KCNQ1: variants seen among roughly 807,000 people sequenced by gnomAD.
KCNQ1 encodes the protein potassium voltage-gated channel subfamily KQT member 1.
In KCNQ1, 49 loss-of-function variants were observed where a neutral mutation model predicts 72.4. That is an observed-to-expected ratio of 0.68 (90% confidence interval 0.54 to 0.86). The LOEUF is 0.86. KCNQ1 is among the 40% of genes least tolerant of loss of function. KCNQ1 has a pLI of 0.00. For missense variants in KCNQ1, 790 were observed against 945.1 expected (o/e 0.84, Z 2.15); for synonymous variants, 450 against 412.6 (o/e 1.09, Z -1.10).
In KCNQ1 at chr11:2,565,955, C is replaced by A. The variant is rs1417646524; in HGVS notation, c.478-4673C>A. Among the ~76,000 whole-genome samples the A allele has an allele frequency of 6.6e-6, 1 of 152,048 alleles. No individual in the cohort carries two copies. The highest frequency in any genetic ancestry group is 1.5e-5 in the Non-Finnish European group (1 of 67,998). Reference sequence around the variant, plus strand: ...GCCTTGGGGCCATCTGACACCCACACCCTCCCTCCAGGCCAGACCCAGCTC... The same window carrying A: ...GCCTTGGGGCCATCTGACACCCACAACCTCCCTCCAGGCCAGACCCAGCTC... On this transcript the variant is annotated intron_variant, in intron 2 of 15. Transcript: ENST00000155840. This position sits in a 1 kb window ranked among gnomAD's most constrained non-coding sequence, Gnocchi z 5.6.
chr11:2,515,547 C>T lies in KCNQ1; in HGVS notation c.387-12381C>T, dbSNP rs1177758746. Among the ~76,000 whole-genome samples the T allele has an allele frequency of 6.6e-6, 1 of 152,162 alleles. No individual in the cohort carries two copies. The highest frequency in any genetic ancestry group is 1.5e-5 in the Non-Finnish European group (1 of 68,028). On this transcript the variant is annotated intron_variant, in intron 1 of 15. Coordinates refer to ENST00000155840, the MANE Select transcript of KCNQ1 (RefSeq NM_000218.3). This position sits in a 1 kb window ranked among gnomAD's most constrained non-coding sequence, Gnocchi z 4.7. ...GGTGAGGGGACAAGGCTGCTGGGAC[C>T]AGGCCTCGCCCAGGCAGAGCCTCGC... is the stretch of plus-strand genomic sequence containing the variant.
intron 15 of KCNQ1, chr11:2,840,032 C>T (rs1355754786): frequency 2.0e-5 from 3 of 152,242 alleles, no homozygotes; most frequent in South Asian, 2.1e-4. Context: ...CACCGACCCC[C>T]GAACTGCCCA....
In KCNQ1 at chr11:2,652,693, G is replaced by A. The variant is rs180782813; in HGVS notation, c.1394-9268G>A. ...CGATTTTAGTTGTGTGGGTGGCTGT[G>A]TTGCTCTCTTTCCGTTTCCTGGGCT... On this transcript the variant is annotated intron_variant, in intron 10 of 15. Coordinates refer to ENST00000155840, the MANE Select transcript of KCNQ1 (RefSeq NM_000218.3). This position sits in a 1 kb window ranked among gnomAD's most constrained non-coding sequence, Gnocchi z 5.9. The A allele has an allele frequency of 1.3e-5, 5 of 398,746 alleles. No homozygotes were observed. Among genetic ancestry groups the A allele is most frequent in the Non-Finnish European group, 2.2e-5 (5 of 226,302 alleles). The allele number at this position is 398,746 out of a possible 1,614,324, so 24.7% of individuals were successfully genotyped here. A position where few individuals can be genotyped will look rare whatever the true frequency, so the allele number is the denominator to read the frequency against.
chr11:2,523,198 A>AT (rs60789291), intron 1 of KCNQ1, among the ~76,000 whole-genome samples: 396 of 136,956 alleles, frequency 2.9e-3, no homozygotes, highest in South Asian at 4.6e-3. Context: ...ATTTAATTTA[A>AT]TTTTTTTTTT....
rs369091392 is a variant in KCNQ1, at chr11:2,703,752, A to T, written c.1514+41671A>T. ...GGGAGCCCCTCACCCAAGCAGCAGG[A>T]TGTGTGGCAGGCCCTGGCCAAGGAG... On this transcript the variant is annotated intron_variant, in intron 11 of 15. Transcript: ENST00000155840. The surrounding 1 kb of genome is among the most constrained non-coding windows in gnomAD (Gnocchi z 6.4). Among the ~76,000 whole-genome samples, 2 of 152,148 alleles carry T rather than the reference A, an allele frequency of 1.3e-5. No individual in the cohort carries two copies. The highest frequency in any genetic ancestry group is 3.9e-4 in the East Asian group (2 of 5,194).
intron 2 of KCNQ1, among the ~76,000 whole-genome samples, chr11:2,529,955 G>A (rs778826518): frequency 6.6e-6 from 1 of 152,288 alleles, no homozygotes; most frequent in Non-Finnish European, 1.5e-5. Flanking sequence ...GCTTCTGTGA[G>A]GTGCTCCTGT....
rs756267843 is a variant in KCNQ1 at position 2,703,134 on chromosome 11, G to T, written c.1514+41053G>T. ...TGGGGGCTGCCAGGCAGGCTGGGAG[G>T]TGAGCCCAGGGCTGGCCTTGGGCAC... is the stretch of plus-strand genomic sequence containing the variant. On this transcript the variant is annotated intron_variant, in intron 11 of 15. Coordinates refer to ENST00000155840, the MANE Select transcript of KCNQ1 (RefSeq NM_000218.3). The surrounding 1 kb of genome is among the most constrained non-coding windows in gnomAD (Gnocchi z 6.4). Among the ~76,000 whole-genome samples the T allele has an allele frequency of 6.6e-6, 1 of 152,242 alleles. No homozygotes were observed. Among genetic ancestry groups the T allele is most frequent in the Non-Finnish European group, 1.5e-5 (1 of 68,036 alleles).
In KCNQ1 at chr11:2,827,598, A is replaced by G. The variant is rs1232936374; in HGVS notation, c.1795-20169A>G. Among the ~76,000 whole-genome samples, 1 of 126,212 alleles carries G rather than the reference A, an allele frequency of 7.9e-6. No homozygotes were observed. The highest frequency in any genetic ancestry group is 2.6e-4 in the East Asian group (1 of 3,814). 82.8% of individuals were successfully genotyped at this position (126,212 alleles called of 152,430 possible). A position where few individuals can be genotyped will look rare whatever the true frequency, so the allele number is the denominator to read the frequency against. ...CTCTATTCCAGGCAGGCAAACACTC[A>G]GCTTAATTCAGGGTTCTGTTGATTA... is the stretch of plus-strand genomic sequence containing the variant. On this transcript the variant is annotated intron_variant, in intron 15 of 15. Coordinates refer to ENST00000155840, the MANE Select transcript of KCNQ1 (RefSeq NM_000218.3). This position sits in a 1 kb window ranked among gnomAD's most constrained non-coding sequence, Gnocchi z 6.7.
chr11:2,573,999 C>T (rs187026960), intron 6 of KCNQ1, among the ~76,000 whole-genome samples: 108 of 152,330 alleles, frequency 7.1e-4, no homozygotes, highest in Non-Finnish European at 1.2e-3. Flanking sequence ...GCCAGTGTCC[C>T]TCTGGGAGCT....
rs1846241119 is a variant in KCNQ1 at position 2,752,428 on chromosome 11, C to A, written c.1515-16416C>A. ...TCTCTCGGGGGGTCCGATGGGATAC[C>A]TAGTGTCTTAATCTGTTCAGTCTGC... On this transcript the variant is annotated intron_variant, in intron 11 of 15. Transcript: ENST00000155840. This position sits in a 1 kb window ranked among gnomAD's most constrained non-coding sequence, Gnocchi z 5.2. Among the ~76,000 whole-genome samples, 1 of 151,866 alleles carries A rather than the reference C, an allele frequency of 6.6e-6. No individual in the cohort carries two copies. Among genetic ancestry groups the A allele is most frequent in the South Asian group, 2.1e-4 (1 of 4,772 alleles).
In KCNQ1 at chr11:2,494,457, C is replaced by T. The variant is rs969691206; in HGVS notation, c.387-33471C>T. Among the ~76,000 whole-genome samples the T allele has an allele frequency of 3.1e-4, 47 of 152,046 alleles. No homozygotes were observed. Among genetic ancestry groups the T allele is most frequent in the African/African-American group, 1.0e-3 (43 of 41,372 alleles). On this transcript the variant is annotated intron_variant, in intron 1 of 15. Transcript: ENST00000155840. This position sits in a 1 kb window ranked among gnomAD's most constrained non-coding sequence, Gnocchi z 4.6. ...AAAGTGAATGCTTCCAGCTTTTGCC[C>T]GTTCAGTATGATATTGCCTGTGGGT...
rs545984724 is a variant in KCNQ1, at chr11:2,833,771, C to G, written c.1795-13996C>G. Among the ~76,000 whole-genome samples the G allele has an allele frequency of 2.0e-5, 3 of 152,212 alleles. No homozygotes were observed. In the South Asian group the frequency reaches 6.2e-4, roughly 31 times the overall value. Reference sequence around the variant, plus strand: ...TGGGGCAAGTGCCCCGAGACGGGACCGAGACAACAGTGGGGAAGGTGGGAC... The same window carrying G: ...TGGGGCAAGTGCCCCGAGACGGGACGGAGACAACAGTGGGGAAGGTGGGAC... On this transcript the variant is annotated intron_variant, in intron 15 of 15. Coordinates refer to ENST00000155840, the MANE Select transcript of KCNQ1 (RefSeq NM_000218.3).
intron 6 of KCNQ1, 90 bp from the exon 7 acceptor site, chr11:2,583,345 G>A (rs1233058929): frequency 1.2e-5 from 11 of 894,208 alleles, no homozygotes; most frequent in East Asian, 7.2e-5. Flanking sequence ...CGGCCTCTCC[G>A]CTCATCAGAG....
At chr11:2,757,711 G>A (rs1037267227) in intron 11 of KCNQ1, among the ~76,000 whole-genome samples, 9 of 152,240 alleles carry the variant, frequency 5.9e-5, no homozygotes, top group Non-Finnish European at 1.5e-5. Context: ...GGAGGAATAA[G>A]CATGTAGCTC....
Position 2,733,773 on chromosome 11 carries a change from TCCACACAC to T in KCNQ1, c.1515-35070_1515-35063del, listed in dbSNP as rs779884289. Among the ~76,000 whole-genome samples the T allele has an allele frequency of 5.0e-3, 295 of 59,014 alleles. 1 individual carries two copies. Among genetic ancestry groups the T allele is most frequent in the Admixed American group, 6.4e-3 (30 of 4,684 alleles). The allele number at this position is 59,014 out of a possible 152,430, so 38.7% of individuals were successfully genotyped here. A position where few individuals can be genotyped will look rare whatever the true frequency, so the allele number is the denominator to read the frequency against. On this transcript the variant is annotated intron_variant, in intron 11 of 15. Transcript: ENST00000155840. The stretch of plus-strand genomic sequence containing the variant: ...CGGGCAGGAGGGGGACTTCAGGCCT[TCCACACAC>T]ACACACACACACACACACACACACA...
chr11:2,505,698 C>T (rs962521764), intron 1 of KCNQ1, among the ~76,000 whole-genome samples: 9 of 152,152 alleles, frequency 5.9e-5, no homozygotes, highest in Admixed American at 5.9e-4. Flanking sequence ...TTCTTGCAGC[C>T]TCGAACCTTT....
In KCNQ1 at chr11:2,602,898, G is replaced by C. The variant is rs989396743; in HGVS notation, c.1393+14044G>C. Among the ~76,000 whole-genome samples the C allele has an allele frequency of 6.6e-5, 10 of 152,140 alleles. No individual in the cohort carries two copies. Among genetic ancestry groups the C allele is most frequent in the Non-Finnish European group, 1.2e-4 (8 of 68,016 alleles). Reference sequence around the variant, plus strand: ...CATCATCTCAACAGGGTACTTTACAGAGCAAACATTTTAAATTTTGATGAG... The same window carrying C: ...CATCATCTCAACAGGGTACTTTACACAGCAAACATTTTAAATTTTGATGAG... On this transcript the variant is annotated intron_variant, in intron 10 of 15. Transcript: ENST00000155840. The surrounding 1 kb of genome is among the most constrained non-coding windows in gnomAD (Gnocchi z 4.8).
At chr11:2,641,377 T>A in intron 10 of KCNQ1, 1 of 398,376 alleles carries the variant, frequency 2.5e-6, no homozygotes, top group Non-Finnish European at 4.4e-6. Flanking sequence ...ATTTCCCTTA[T>A]AATTACTGAT....
At chr11:2,501,148 C>T (rs1283333510) in intron 1 of KCNQ1, among the ~76,000 whole-genome samples, 1 of 151,858 alleles carries the variant, frequency 6.6e-6, no homozygotes, top group African/African-American at 2.4e-5. Context: ...AAGAGTAAGT[C>T]AACCTAAAAT....
Sources: gnomAD v4.1 joint callset for allele counts (sites outside exome capture counted in the v4.1 genomes callset) on GRCh38, gnomAD v4.1.1 for gene constraint, Gnocchi (gnomAD v3.1) non-coding constraint, MANE v1.5 for transcripts, NCBI Gene and HGNC (gene_info 2026-07-23, HGNC 2026-07-21) for gene names.